Variants in OVCH1 observed in about 807,000 individuals in gnomAD.
OVCH1 encodes ovochymase 1.
OVCH1 carries 139 observed loss-of-function variants against 138.4 expected under a neutral mutation model. The observed-to-expected ratio is 1.00, with a 90% CI of 0.87 to 1.16. The LOEUF (loss-of-function observed/expected upper bound fraction) is 1.16, where lower values mean the gene tolerates loss of function less well. OVCH1 is among the 50% of genes most tolerant of loss of function. The probability of loss-of-function intolerance (pLI) is 0.00; values close to 1 mark genes in which losing one functional copy is unlikely to be tolerated. For synonymous variants in OVCH1, 453 were observed against 467.8 expected (o/e 0.97, Z 0.41); for missense variants, 1,367 against 1,357.9 (o/e 1.01, Z -0.11).
the OVCH1 span, among the ~76,000 whole-genome samples, chr12:29,404,114 C>T: frequency 6.6e-6 from 1 of 152,190 alleles, no homozygotes; most frequent in Non-Finnish European, 1.5e-5. Flanking sequence ...TTCAGGTGTA[C>T]TGTTATGCAT....
chr12:29,459,118 A>T (rs1942047230), intron 19 of OVCH1, among the ~76,000 whole-genome samples: 1 of 152,174 alleles, frequency 6.6e-6, no homozygotes. Context: ...TTGATCTAGC[A>T]ATCCCACTCC....
chr12:29,432,109 G>A lies in OVCH1; in HGVS notation c.3327+1642C>T, dbSNP rs144531489. Among the ~76,000 whole-genome samples the A allele has an allele frequency of 4.1e-3, 627 of 152,308 alleles. 5 individuals are homozygous for A. Among genetic ancestry groups the A allele is most frequent in the African/African-American group, 0.014 (575 of 41,572 alleles). ...CAGCAAGGTTGGCATGGCTGGGTAT[G>A]AAGTGAGCACTGGGAAAAGTAGCAG... is the stretch of plus-strand genomic sequence containing the variant. On this transcript the variant is annotated intron_variant, in intron 27 of 27. Coordinates refer to ENST00000318184, the Ensembl canonical transcript of OVCH1.
At chr12:29,478,742 A>C in intron 9 of OVCH1, 93 bp downstream of exon 10, 1 of 849,326 alleles carries the variant, frequency 1.2e-6, no homozygotes, top group Non-Finnish European at 1.7e-6. Flanking sequence ...CCATAGGCAG[A>C]GCAGCCAGAA....
chr12:29,439,295 C>A, intron 26 of OVCH1: 1 of 1,438,948 alleles, frequency 6.9e-7, no homozygotes, highest in South Asian at 1.6e-5. Context: ...GTTATATAAG[C>A]CCAAGTTCTA....
chr12:29,472,192 C>T (rs773797731), intron 15 of OVCH1, among the ~76,000 whole-genome samples: 2 of 152,156 alleles, frequency 1.3e-5, no homozygotes, highest in Non-Finnish European at 2.9e-5. Flanking sequence ...GACTGGCCTA[C>T]AGAATTTTAT....
intron 4 of OVCH1, among the ~76,000 whole-genome samples, chr12:29,492,527 G>T (rs1010611415): frequency 1.3e-5 from 2 of 152,092 alleles, no homozygotes; most frequent in Admixed American, 1.3e-4. Flanking sequence ...GAAGACAGAA[G>T]AAGCAGCTTG....
At chr12:29,484,529 C>T (rs1333889827) in intron 8 of OVCH1, among the ~76,000 whole-genome samples, 184 bp downstream of exon 9, 2 of 152,080 alleles carry the variant, frequency 1.3e-5, no homozygotes, top group South Asian at 2.1e-4. Context: ...GTGGCATGCC[C>T]GTGTAATCCC....
At chr12:29,476,975 A>G (rs1402750533) in intron 12 of OVCH1, 127 bp downstream of exon 12, 7 of 1,182,418 alleles carry the variant, frequency 5.9e-6, no homozygotes, top group Non-Finnish European at 7.9e-6. Context: ...CAGAGTAAAA[A>G]AAAATGGCAA....
intron 1 of OVCH1, among the ~76,000 whole-genome samples, chr12:29,497,270 A>AAAC (rs1424159805): frequency 8.0e-6 from 1 of 124,316 alleles, no homozygotes; most frequent in East Asian, 2.8e-4. Flanking sequence ...TCAAACAAAC[A>AAAC]AACAAAACAA....
At chr12:29,458,210 G>A (rs1942018158) in intron 19 of OVCH1, among the ~76,000 whole-genome samples, 1 of 151,940 alleles carries the variant, frequency 6.6e-6, no homozygotes, top group African/African-American at 2.4e-5. Flanking sequence ...GAACAGAATT[G>A]GAATGATCAC....
chr12:29,488,099 C>T (rs10492375), intron 6 of OVCH1, among the ~76,000 whole-genome samples: 1 of 151,764 alleles, frequency 6.6e-6, no homozygotes. Flanking sequence ...TCTCTTTATA[C>T]CTATTGGCTG....
At chr12:29,438,369 C>A (rs771398731) in intron 26 of OVCH1, among the ~76,000 whole-genome samples, 11 of 151,930 alleles carry the variant, frequency 7.2e-5, no homozygotes, top group Admixed American at 5.9e-4. Flanking sequence ...GCAATTCTAC[C>A]TTAACCATTT....
At chr12:29,491,782 A>G (rs1441221625) in intron 4 of OVCH1, among the ~76,000 whole-genome samples, 1 of 152,222 alleles carries the variant, frequency 6.6e-6, no homozygotes, top group African/African-American at 2.4e-5. Context: ...CACTAAAAAC[A>G]AAGAATGGAT....
At chr12:29,475,007 C>T (rs1201511070) in intron 14 of OVCH1, 54 bp downstream of exon 14, 50 of 1,526,892 alleles carry the variant, frequency 3.3e-5, no homozygotes, top group Non-Finnish European at 4.2e-5. Flanking sequence ...AATTATCTTC[C>T]CTGTAACCAT....
At chr12:29,420,892 T>C (rs1444767759) in intron 3 of OVCH1, among the ~76,000 whole-genome samples, 3 of 152,218 alleles carry the variant, frequency 2.0e-5, no homozygotes, top group Non-Finnish European at 4.4e-5. Flanking sequence ...TCACCTAATA[T>C]GTTCATTGAT....
At chr12:29,468,396 T>G (rs995218675) in intron 16 of OVCH1, among the ~76,000 whole-genome samples, 22 of 152,206 alleles carry the variant, frequency 1.4e-4, no homozygotes, top group Non-Finnish European at 2.8e-4. Context: ...TACAGCTGTT[T>G]ATTAATTTCA....
At chr12:29,496,800 C>T (rs2136104133) in intron 1 of OVCH1, 126 bp from the exon 2 acceptor site, 1 of 652,440 alleles carries the variant, frequency 1.5e-6, no homozygotes, top group Non-Finnish European at 2.6e-6. Flanking sequence ...CTGCAGACTA[C>T]CACATTCTTC....
chr12:29,429,245 ATATGGCATCTGGACAAAACCAAG>A (rs1405672068), intron 27 of OVCH1, among the ~76,000 whole-genome samples: 1 of 152,252 alleles, frequency 6.6e-6, no homozygotes, highest in Non-Finnish European at 1.5e-5. Flanking sequence ...CCTTTAAAAC[ATATGGCATCTGGACAAAACCAAG>A]AGTGCCAACT....
chr12:29,412,554 A>C (rs994946849), intron 4 of OVCH1: 7 of 152,204 alleles, frequency 4.6e-5, no homozygotes, highest in African/African-American at 7.2e-5. Context: ...ACTGAAAGTG[A>C]ACAAACAGAG....
Sources: allele counts gnomAD v4.1 joint callset (sites outside exome capture counted in the v4.1 genomes callset), GRCh38; gene constraint gnomAD v4.1.1; transcripts MANE v1.5; gene names NCBI Gene and HGNC (gene_info 2026-07-23, HGNC 2026-07-21).